The following TAFA1 variants were observed in gnomAD, a reference collection of about 807,000 sequenced individuals.
TAFA1 encodes the protein chemokine-like protein TAFA-1.
TAFA1 carries 4 observed loss-of-function variants against 18.5 expected under a neutral mutation model. The observed-to-expected ratio is 0.22, with a 90% CI of 0.11 to 0.49. The LOEUF (loss-of-function observed/expected upper bound fraction) is 0.49. TAFA1 is among the 20% of genes least tolerant of loss of function. The probability of loss-of-function intolerance (pLI) is 0.98; values close to 1 mark genes in which losing one functional copy is unlikely to be tolerated. For synonymous variants in TAFA1, 56 were observed against 55.2 expected (o/e 1.01, Z -0.06); for missense variants, 147 against 169.0 (o/e 0.87, Z 0.72).
chr3:68,193,703 TCA>T (rs2066376402), intron 2 of TAFA1, among the ~76,000 whole-genome samples: 1 of 151,840 alleles, frequency 6.6e-6, no homozygotes, highest in Admixed American at 6.6e-5. Context: ...ATTCTGTTTT[TCA>T]CATTTTTCAG....
intron 3 of TAFA1, among the ~76,000 whole-genome samples, chr3:68,537,599 C>G (rs2073296358): frequency 6.6e-6 from 1 of 152,092 alleles, no homozygotes; most frequent in Non-Finnish European, 1.5e-5. Context: ...ACAATGGGGG[C>G]TTCAGAGAAA....
intron 2 of TAFA1, among the ~76,000 whole-genome samples, chr3:68,370,369 T>TATATATACACATATATATACACAC (rs1199950988): frequency 6.4e-4 from 30 of 46,520 alleles, no homozygotes; most frequent in Non-Finnish European, 9.1e-4. Flanking sequence ...CACACACACA[T>TATATATACACATATATATACACAC]ATATATATAC....
intron 3 of TAFA1, among the ~76,000 whole-genome samples, chr3:68,455,515 C>T (rs1017631847): frequency 6.6e-6 from 1 of 152,144 alleles, no homozygotes; most frequent in Admixed American, 6.6e-5. Flanking sequence ...TTTTCTGACA[C>T]TGCTTCTCCA....
At chr3:68,289,787 C>T (rs9829732) in intron 2 of TAFA1, among the ~76,000 whole-genome samples, 7,269 of 152,162 alleles carry the variant, frequency 0.048, 551 homozygotes, top group African/African-American at 0.16. Flanking sequence ...ATTTCAGCAA[C>T]GGGTTGAGTA....
In TAFA1 at chr3:68,324,505, C is replaced by T. The variant is rs182502017; in HGVS notation, c.119-92775C>T. On this transcript the variant is annotated intron_variant, in intron 2 of 4. Coordinates refer to ENST00000478136, the MANE Select transcript of TAFA1 (RefSeq NM_213609.4). ...AGCACACCTTGGAAGTGCAAGGAGT[C>T]ACAGAAGGTGTGTGGGGAAGGATTT... Among the ~76,000 whole-genome samples the T allele has an allele frequency of 5.9e-3, 898 of 152,266 alleles. 3 individuals carry two copies. Among genetic ancestry groups the T allele is most frequent in the Non-Finnish European group, 1.0e-2 (678 of 68,024 alleles).
At chr3:68,254,303 A>G (rs1275588416) in intron 2 of TAFA1, among the ~76,000 whole-genome samples, 1 of 152,138 alleles carries the variant, frequency 6.6e-6, no homozygotes, top group African/African-American at 2.4e-5. Flanking sequence ...ACAGTGAAAT[A>G]ATTACTGAGA....
intron 3 of TAFA1, among the ~76,000 whole-genome samples, chr3:68,485,482 T>C (rs1330033103): frequency 6.6e-6 from 1 of 152,156 alleles, no homozygotes; most frequent in Non-Finnish European, 1.5e-5. Context: ...CCTGATGAAA[T>C]TTTTCTGAGC....
At chr3:68,285,883 A>C (rs76448371) in intron 2 of TAFA1, among the ~76,000 whole-genome samples, 2,362 of 152,286 alleles carry the variant, frequency 0.016, 71 homozygotes, top group East Asian at 0.12. Flanking sequence ...TACGGCCCAG[A>C]CTTATGAATT....
intron 2 of TAFA1, among the ~76,000 whole-genome samples, chr3:68,167,421 AC>A (rs1388584043): frequency 1.3e-5 from 2 of 151,916 alleles, no homozygotes; most frequent in Non-Finnish European, 2.9e-5. Context: ...TACTAAAAAT[AC>A]AAAAAATTGC....
At chr3:68,350,865 G>C (rs576178992) in intron 2 of TAFA1, among the ~76,000 whole-genome samples, 6 of 152,164 alleles carry the variant, frequency 3.9e-5, no homozygotes, top group African/African-American at 1.2e-4. Flanking sequence ...CAGAAATGAG[G>C]GCATTGCTAA....
chr3:68,107,128 A>G (rs1288238620), intron 2 of TAFA1, among the ~76,000 whole-genome samples: 1 of 152,124 alleles, frequency 6.6e-6, no homozygotes, highest in East Asian at 1.9e-4. Context: ...TTCTAACTCC[A>G]CATTCAGTGA....
chr3:68,327,192 G>A (rs1227770681), intron 2 of TAFA1, among the ~76,000 whole-genome samples: 2 of 152,090 alleles, frequency 1.3e-5, no homozygotes, highest in African/African-American at 2.4e-5. Context: ...CCAGCCATGT[G>A]GAACTGTGAG....
At chr3:68,377,651 A>G (rs1472391391) in intron 2 of TAFA1, among the ~76,000 whole-genome samples, 18 of 152,186 alleles carry the variant, frequency 1.2e-4, no homozygotes, top group Non-Finnish European at 2.9e-5. Flanking sequence ...CGCCAACACA[A>G]TGGGGAAAAT....
At chr3:68,465,185 T>C (rs1362364384) in intron 3 of TAFA1, among the ~76,000 whole-genome samples, 1 of 152,164 alleles carries the variant, frequency 6.6e-6, no homozygotes, top group South Asian at 2.1e-4. Context: ...TTATTACCTC[T>C]TGATAAAAAT....
At chr3:68,394,697 G>T (rs935556541) in intron 2 of TAFA1, among the ~76,000 whole-genome samples, 4 of 152,138 alleles carry the variant, frequency 2.6e-5, no homozygotes, top group African/African-American at 4.8e-5. Context: ...AAGCAATGGG[G>T]AAAGGATTCC....
At chr3:68,266,367 A>G (rs2067546636) in intron 2 of TAFA1, among the ~76,000 whole-genome samples, 1 of 152,184 alleles carries the variant, frequency 6.6e-6, no homozygotes, top group Non-Finnish European at 1.5e-5. Flanking sequence ...TGAAGGTTTT[A>G]TACGAAACAT....
intron 2 of TAFA1, among the ~76,000 whole-genome samples, chr3:68,236,127 T>C (rs1246673429): frequency 1.3e-5 from 2 of 152,142 alleles, no homozygotes; most frequent in Non-Finnish European, 2.9e-5. Context: ...TTATACAAAG[T>C]TGATGCTCAA....
In TAFA1 at chr3:68,448,348, A is replaced by G. The variant is rs189704943; in HGVS notation, c.259+30928A>G. On this transcript the variant is annotated intron_variant, in intron 3 of 4. Transcript: ENST00000478136. ...GTAAATTTGTGAGACAGTAATATGC[A>G]TACTTCTTTATTAATACAGTAAATA... Among the ~76,000 whole-genome samples, 598 of 152,332 alleles carry G rather than the reference A, an allele frequency of 3.9e-3. 2 individuals are homozygous for G. Among genetic ancestry groups the G allele is most frequent in the Middle Eastern group, 0.027 (8 of 294 alleles).
At chr3:68,201,490 A>G (rs1318777624) in intron 2 of TAFA1, among the ~76,000 whole-genome samples, 1 of 151,716 alleles carries the variant, frequency 6.6e-6, no homozygotes, top group African/African-American at 2.4e-5. Context: ...GAAGTCTCCA[A>G]CCATAATAAT....
Sources: gnomAD v4.1 joint callset for allele counts (sites outside exome capture counted in the v4.1 genomes callset) on GRCh38, gnomAD v4.1.1 for gene constraint, MANE v1.5 for transcripts, NCBI Gene and HGNC (gene_info 2026-07-23, HGNC 2026-07-21) for gene names.